Variants in TECR observed in about 807,000 individuals in gnomAD.
TECR encodes the protein trans-2,3-enoyl-CoA reductase.
A neutral mutation model predicts 50.6 loss-of-function variants in TECR; 19 were observed. That is an observed-to-expected ratio of 0.38 (90% confidence interval 0.26 to 0.55). The LOEUF is 0.55. Among genes scored for constraint, TECR ranks in the 20% least tolerant of loss-of-function variants. The pLI, the probability that TECR is intolerant of heterozygous loss-of-function variation, is 0.79. For synonymous variants in TECR, 168 were observed against 163.5 expected (o/e 1.03, Z -0.21); for missense variants, 313 against 408.3 (o/e 0.77, Z 2.01).
Position 14,565,941 on chromosome 19 carries a change from T to C in TECR, c.*70T>C. The C allele has an allele frequency of 6.5e-7, 1 of 1,542,762 alleles. No individual in the cohort carries two copies. The highest frequency in any genetic ancestry group is 8.7e-7 in the Non-Finnish European group (1 of 1,143,120). On this transcript the variant is annotated 3_prime_UTR_variant, in exon 13 of 13. Coordinates refer to ENST00000215567, the MANE Select transcript of TECR (RefSeq NM_138501.6). ...CTGGGGGAGGAGTGGGGCCCACAGC[T>C]CTCCAGCACCCGGAATAAAGCCCGC... is the stretch of plus-strand genomic sequence containing the variant.
intron 1 of TECR, among the ~76,000 whole-genome samples, chr19:14,540,356 C>G (rs2073055326): frequency 1.3e-5 from 2 of 152,132 alleles, no homozygotes; most frequent in South Asian, 4.1e-4. Context: ...GCGTGAGCCA[C>G]TGTGCCTGGC....
rs545096101 is a variant in TECR, at chr19:14,565,977, C to T, written c.*106C>T. ...CGGAATAAAGCCCGCCTGCCCCAGTCGGACTCGGGCTCTGTGTGTTTCTTT... is the reference window on the plus strand; with the variant it reads ...CGGAATAAAGCCCGCCTGCCCCAGTTGGACTCGGGCTCTGTGTGTTTCTTT... On this transcript the variant is annotated 3_prime_UTR_variant, in exon 13 of 13. Coordinates refer to ENST00000215567, the MANE Select transcript of TECR (RefSeq NM_138501.6). The T allele has an allele frequency of 6.4e-6, 10 of 1,553,792 alleles. No individual in the cohort carries two copies. The Admixed American group carries it at 7.7e-5, about 12-fold the overall frequency.
At chr19:14,529,785 C>T (rs939915013) in intron 1 of TECR, 74 bp downstream of exon 1, 60 of 1,604,774 alleles carry the variant, frequency 3.7e-5, no homozygotes, top group Non-Finnish European at 4.6e-5. Context: ...GACCACGGGA[C>T]CCCACTTTCT....
intron 1 of TECR, among the ~76,000 whole-genome samples, chr19:14,557,595 G>T (rs1402436023): frequency 6.6e-6 from 1 of 150,942 alleles, no homozygotes; most frequent in Non-Finnish European, 1.5e-5. Flanking sequence ...GGGATTACAG[G>T]CATGCACCAC....
intron 1 of TECR, among the ~76,000 whole-genome samples, chr19:14,554,217 GGAGAGATGTCTGGGAAGCT>G (rs1007389031): frequency 3.3e-5 from 5 of 152,218 alleles, no homozygotes; most frequent in African/African-American, 1.2e-4. Context: ...GGCTGCTGCA[GGAGAGATGTCTGGGAAGCT>G]GTGGCAGTTC....
intron 11 of TECR, 48 bp downstream of exon 11, chr19:14,565,338 G>A: frequency 1.9e-6 from 3 of 1,604,794 alleles, no homozygotes; most frequent in Non-Finnish European, 2.6e-6. Flanking sequence ...GGGGTCCCAT[G>A]TGGAGGGACC....
At chr19:14,540,161 G>A (rs1180885198) in intron 1 of TECR, among the ~76,000 whole-genome samples, 3 of 151,674 alleles carry the variant, frequency 2.0e-5, no homozygotes, top group Non-Finnish European at 4.4e-5. Context: ...CCAGGTTCAC[G>A]CCATTCTCCT....
chr19:14,547,037 G>C, intron 1 of TECR, among the ~76,000 whole-genome samples: 1 of 152,182 alleles, frequency 6.6e-6, no homozygotes, highest in East Asian at 1.9e-4. Context: ...AGGGTAATCA[G>C]TGCTAACCTT....
chr19:14,555,437 T>TA (rs2073686706), intron 1 of TECR, among the ~76,000 whole-genome samples: 1 of 145,622 alleles, frequency 6.9e-6, no homozygotes, highest in Admixed American at 6.9e-5. Flanking sequence ...TTTTATTTAT[T>TA]CTTTTTTTTT....
chr19:14,542,035 G>A (rs2073112623), intron 1 of TECR, among the ~76,000 whole-genome samples: 1 of 152,036 alleles, frequency 6.6e-6, no homozygotes, highest in Admixed American at 6.6e-5. Flanking sequence ...CGCCCACCTC[G>A]GCCTTCCAGA....
chr19:14,558,170 G>A (rs2073796003), intron 1 of TECR, among the ~76,000 whole-genome samples: 1 of 152,156 alleles, frequency 6.6e-6, no homozygotes, highest in Admixed American at 6.5e-5. Flanking sequence ...AGAGAGGTTG[G>A]GTAACTTGCC....
intron 1 of TECR, among the ~76,000 whole-genome samples, chr19:14,542,744 C>T (rs555470662): frequency 5.7e-4 from 87 of 152,164 alleles, no homozygotes; most frequent in African/African-American, 2.0e-3. Flanking sequence ...GTGGGGCTTA[C>T]TGGGAGCAGA....
rs1483816252 is a variant in TECR at position 14,562,355 on chromosome 19, ACCGTGGGCAGAG to A, written c.16-166_16-155del. ...CGGCCGGCAGCTGGGGCTGCTGGCC[ACCGTGGGCAGAG>A]CCGAGTGGCAGGGCTGGTGGCAGGC... On this transcript the variant is annotated intron_variant, in intron 1 of 12. Coordinates refer to ENST00000215567, the MANE Select transcript of TECR (RefSeq NM_138501.6). 6 of 727,042 alleles carry A rather than the reference ACCGTGGGCAGAG, an allele frequency of 8.3e-6. No individual in the cohort carries two copies. In the African/African-American group the frequency reaches 1.0e-4, roughly 13 times the overall value. 45.0% of individuals were successfully genotyped at this position (727,042 alleles called of 1,614,324 possible).
chr19:14,562,022 C>A, intron 1 of TECR: 1 of 279,234 alleles, frequency 3.6e-6, no homozygotes, highest in East Asian at 7.9e-5. Context: ...TGGGGCTTTC[C>A]CTGTGCTGGT....
chr19:14,564,707 CCCCTCGGGATGAGA>C, intron 7 of TECR, 65 bp from the exon 8 acceptor site: 1 of 1,482,438 alleles, frequency 6.7e-7, no homozygotes, highest in Non-Finnish European at 9.4e-7. Flanking sequence ...TGCTCCCAGG[CCCCTCGGGATGAGA>C]CATGGGCAGC....
At chr19:14,540,605 T>C (rs1318776342) in intron 1 of TECR, among the ~76,000 whole-genome samples, 3 of 151,788 alleles carry the variant, frequency 2.0e-5, no homozygotes, top group African/African-American at 7.3e-5. Flanking sequence ...TTGGCCAGGC[T>C]GGTCTTGAAC....
Position 14,564,723 on chromosome 19 carries a change from A to G in TECR, c.490-63A>G, listed in dbSNP as rs1056010090. 1.3e-4 allele frequency: 198 copies of G among 1,523,106 alleles called. 1 individual carries two copies. The highest frequency in any genetic ancestry group is 1.7e-4 in the Non-Finnish European group (192 of 1,101,692). The allele number at this position is 1,523,106 out of a possible 1,614,324, so 94.3% of individuals were successfully genotyped here. A position where few individuals can be genotyped will look rare whatever the true frequency, so the allele number is the denominator to read the frequency against. On this transcript the variant is annotated intron_variant, in intron 7 of 12. Coordinates refer to ENST00000215567, the MANE Select transcript of TECR (RefSeq NM_138501.6). ...GCTCCCAGGCCCCTCGGGATGAGAC[A>G]TGGGCAGCATCTGCCTTGTCCGGTG...
Position 14,563,532 on chromosome 19 carries a change from G to T in TECR, c.119-126G>T. On this transcript the variant is annotated intron_variant, in intron 3 of 12. Transcript: ENST00000215567. This position sits in a 1 kb window ranked among gnomAD's most constrained non-coding sequence, Gnocchi z 5.3. ...AAGCCTGAGGGTTTGCCCCCAGGTG[G>T]GAGGAGCTGTGGAGTCCTGGGGTCC... The T allele has an allele frequency of 7.9e-7, 1 of 1,267,558 alleles. No individual in the cohort carries two copies. The highest frequency in any genetic ancestry group is 1.2e-5 in the South Asian group (1 of 81,706). 78.5% of individuals were successfully genotyped at this position (1,267,558 alleles called of 1,614,324 possible). A position where few individuals can be genotyped will look rare whatever the true frequency, so the allele number is the denominator to read the frequency against.
In TECR at chr19:14,562,043, G is replaced by A. The variant is rs1171871186; in HGVS notation, c.16-482G>A. The A allele has an allele frequency of 2.1e-5, 7 of 334,574 alleles. No homozygotes were observed. In the Admixed American group the frequency reaches 2.2e-4, roughly 10 times the overall value. The allele number at this position is 334,574 out of a possible 1,614,324, so 20.7% of individuals were successfully genotyped here. On this transcript the variant is annotated intron_variant, in intron 1 of 12. Coordinates refer to ENST00000215567, the MANE Select transcript of TECR (RefSeq NM_138501.6). ...TTTCCCTGTGCTGGTGCCGTTGAGG[G>A]TTTTGAGGTGACCACTCAAAAGCTG...
Sources: allele counts gnomAD v4.1 joint callset (sites outside exome capture counted in the v4.1 genomes callset), GRCh38; gene constraint gnomAD v4.1.1; non-coding constraint Gnocchi (gnomAD v3.1); transcripts MANE v1.5; gene names NCBI Gene and HGNC (gene_info 2026-07-23, HGNC 2026-07-21).